SIPA1L1: variants seen among roughly 807,000 people sequenced by gnomAD.
The protein encoded by SIPA1L1 is signal induced proliferation associated 1 like 1.
In SIPA1L1, 26 loss-of-function variants were observed where a neutral mutation model predicts 162.7. That is an observed-to-expected ratio of 0.16 (90% CI 0.12 to 0.22). The LOEUF (loss-of-function observed/expected upper bound fraction) is 0.22, where lower values mean the gene tolerates loss of function less well. Among genes scored for constraint, SIPA1L1 ranks in the 10% least tolerant of loss-of-function variants. The pLI is 1.00. For synonymous variants in SIPA1L1, 829 were observed against 837.4 expected (o/e 0.99, Z 0.17); for missense variants, 1,874 against 2,241.0 (o/e 0.84, Z 3.31).
chr14:71,492,881 C>A (rs1188885879), intron 2 of SIPA1L1, among the ~76,000 whole-genome samples: 1 of 151,896 alleles, frequency 6.6e-6, no homozygotes, highest in Admixed American at 6.6e-5. Context: ...CCACCGTGGC[C>A]TCCCAAAGTG....
At chr14:71,734,663 C>T (rs757880984) in intron 21 of SIPA1L1, among the ~76,000 whole-genome samples, 2 of 152,176 alleles carry the variant, frequency 1.3e-5, no homozygotes, top group Non-Finnish European at 2.9e-5. Flanking sequence ...ATCCTTTTAC[C>T]TTCATGCTGT....
intron 19 of SIPA1L1, among the ~76,000 whole-genome samples, chr14:71,728,868 A>G (rs750541236): frequency 2.6e-5 from 4 of 152,194 alleles, no homozygotes; most frequent in Admixed American, 6.5e-5. Flanking sequence ...TTTTTAAGGT[A>G]TCTGCTGTTC....
intron 2 of SIPA1L1, among the ~76,000 whole-genome samples, chr14:71,500,960 C>T (rs1021140989): frequency 6.6e-6 from 1 of 152,166 alleles, no homozygotes. Flanking sequence ...GACCCGAGAT[C>T]GTGCCATTGC....
chr14:71,621,869 T>A (rs569112646), intron 6 of SIPA1L1, among the ~76,000 whole-genome samples: 1 of 152,334 alleles, frequency 6.6e-6, no homozygotes, highest in African/African-American at 2.4e-5. Context: ...CTAATATTTA[T>A]GTAATTAATT....
At chr14:71,706,928 G>A (rs2082483219) in intron 16 of SIPA1L1, among the ~76,000 whole-genome samples, 1 of 151,732 alleles carries the variant, frequency 6.6e-6, no homozygotes, top group Non-Finnish European at 1.5e-5. Flanking sequence ...AGCTACTCTG[G>A]AGGCTGTGAG....
intron 9 of SIPA1L1, among the ~76,000 whole-genome samples, chr14:71,658,872 A>G (rs1234300038): frequency 6.6e-6 from 1 of 152,226 alleles, no homozygotes; most frequent in Non-Finnish European, 1.5e-5. Context: ...AAAAAAGTCA[A>G]ATGTCAACAG....
intron 2 of SIPA1L1, among the ~76,000 whole-genome samples, chr14:71,436,920 A>G (rs1451584906): frequency 6.6e-6 from 1 of 151,818 alleles, no homozygotes; most frequent in Admixed American, 6.6e-5. Context: ...GCGTGCCACC[A>G]TGCCTGGCTA....
intron 2 of SIPA1L1, among the ~76,000 whole-genome samples, chr14:71,375,763 A>C (rs2039316952): frequency 6.6e-6 from 1 of 152,036 alleles, no homozygotes; most frequent in East Asian, 1.9e-4. Flanking sequence ...GTGTGTGGAG[A>C]ATTTTTATCA....
rs1449020493 is a variant in SIPA1L1 at position 71,705,589 on chromosome 14, A to G, written c.3765+249A>G. Among the ~76,000 whole-genome samples the G allele has an allele frequency of 3.3e-5, 5 of 152,068 alleles. No individual in the cohort carries two copies. The East Asian group carries it at 7.8e-4, about 24-fold the overall frequency. ...GTCTGGTCATCTGATTCAGTCACTA[A>G]CAATCCTGAAATGTTAGGAGTGGAA... is the stretch of plus-strand genomic sequence containing the variant. On this transcript the variant is annotated intron_variant, in intron 16 of 23. Transcript: ENST00000381232.
chr14:71,562,780 A>G (rs968438977), intron 4 of SIPA1L1, among the ~76,000 whole-genome samples: 3 of 152,078 alleles, frequency 2.0e-5, no homozygotes, highest in Admixed American at 2.0e-4. Flanking sequence ...CAGCCTCCCA[A>G]GTAGCTGGGA....
At chr14:71,410,613 A>G (rs189330142) in intron 2 of SIPA1L1, among the ~76,000 whole-genome samples, 3 of 152,356 alleles carry the variant, frequency 2.0e-5, no homozygotes, top group Admixed American at 6.5e-5. Flanking sequence ...AAGTGCTCCA[A>G]TGAGCATTTC....
At chr14:71,434,843 A>G (rs1160572551) in intron 2 of SIPA1L1, among the ~76,000 whole-genome samples, 3 of 152,208 alleles carry the variant, frequency 2.0e-5, no homozygotes, top group African/African-American at 7.2e-5. Flanking sequence ...GGCCTCCCAA[A>G]GTCCTGGGAT....
At chr14:71,575,126 T>A (rs1428069135) in intron 4 of SIPA1L1, 1 of 152,248 alleles carries the variant, frequency 6.6e-6, no homozygotes, top group African/African-American at 2.4e-5. Context: ...TTACATCAGC[T>A]TTGAATGGGA....
intron 2 of SIPA1L1, among the ~76,000 whole-genome samples, chr14:71,390,710 G>A (rs7147668): frequency 0.16 from 24,739 of 152,098 alleles, 2,637 homozygotes; most frequent in Middle Eastern, 0.34. Flanking sequence ...ACTGGAGCCC[G>A]GGAGATGGAG....
chr14:71,372,688 G>A (rs576886125), intron 2 of SIPA1L1, among the ~76,000 whole-genome samples: 5 of 152,040 alleles, frequency 3.3e-5, no homozygotes, highest in African/African-American at 1.2e-4. Context: ...TTGAACCGAG[G>A]TTAAGTGGTA....
intron 4 of SIPA1L1, among the ~76,000 whole-genome samples, chr14:71,544,511 A>G (rs2054998179): frequency 2.0e-5 from 3 of 152,162 alleles, no homozygotes; most frequent in South Asian, 2.1e-4. Context: ...TTAACGCTGT[A>G]CTATGTGTTA....
intron 6 of SIPA1L1, among the ~76,000 whole-genome samples, chr14:71,622,824 GC>G (rs1275446286): frequency 8.5e-5 from 13 of 152,080 alleles, no homozygotes; most frequent in Admixed American, 1.3e-4. Flanking sequence ...ACCTGTAGGA[GC>G]CCAGTGAGGC....
intron 2 of SIPA1L1, among the ~76,000 whole-genome samples, chr14:71,405,490 G>A (rs778467216): frequency 1.3e-5 from 2 of 152,210 alleles, no homozygotes; most frequent in Non-Finnish European, 2.9e-5. Flanking sequence ...TACATTGACT[G>A]TCTTTCTTCT....
intron 2 of SIPA1L1, among the ~76,000 whole-genome samples, chr14:71,326,272 G>A (rs7144439): frequency 0.031 from 4,597 of 149,312 alleles, 250 homozygotes; most frequent in African/African-American, 0.11. Context: ...GCAGTGGCAT[G>A]ACCTCGGCTC....
Sources: gnomAD v4.1 joint callset for allele counts (sites outside exome capture counted in the v4.1 genomes callset) on GRCh38, gnomAD v4.1.1 for gene constraint, MANE v1.5 for transcripts, NCBI Gene and HGNC (gene_info 2026-07-23, HGNC 2026-07-21) for gene names.